SPTLC1: variants seen among roughly 807,000 people sequenced by gnomAD.
The protein encoded by SPTLC1 is serine palmitoyltransferase long chain base subunit 1, also known as serine palmitoyltransferase 1.
SPTLC1 carries 55 observed loss-of-function variants against 68.9 expected under a neutral mutation model. The observed-to-expected ratio is 0.80, with a 90% CI of 0.64 to 1.00. SPTLC1 has a LOEUF of 1.00. Among genes scored for constraint, SPTLC1 ranks in the 50% least tolerant of loss-of-function variants. The pLI, the probability that SPTLC1 is intolerant of heterozygous loss-of-function variation, is 0.00. For missense variants in SPTLC1, 449 were observed against 573.1 expected (o/e 0.78, Z 2.21); for synonymous variants, 197 against 201.6 (o/e 0.98, Z 0.19).
Position 92,080,979 on chromosome 9 carries a change from A to G in SPTLC1, c.261-16T>C. The G allele has an allele frequency of 3.2e-6, 5 of 1,583,432 alleles. No individual in the cohort carries two copies. The highest frequency in any genetic ancestry group is 4.3e-6 in the Non-Finnish European group (5 of 1,152,836). ...GCTTGGAGGGCTAGGGAAGAGATAG[A>G]GTGGTACATGTCAATTACACATTCA... On this transcript the variant is annotated splice_polypyrimidine_tract_variant and intron_variant, in intron 3 of 14. Transcript: ENST00000262554.
intron 3 of SPTLC1, among the ~76,000 whole-genome samples, chr9:92,091,859 A>T (rs1378977825): frequency 1.3e-5 from 2 of 152,240 alleles, no homozygotes; most frequent in Non-Finnish European, 1.5e-5. Context: ...ATCACAGAAT[A>T]ACTAAATGAT....
At position 92,108,544 on chromosome 9, in the gene SPTLC1, A is replaced by C. The variant is rs558952567; in HGVS notation, c.260+196T>G. On this transcript the variant is annotated intron_variant, in intron 3 of 14. Coordinates refer to ENST00000262554, the MANE Select transcript of SPTLC1 (RefSeq NM_006415.4). ...AAAAAAGGGCAAACATTAATGCTTA[A>C]ATTGGAGATTTTAAAAAATGCCTGT... The C allele has an allele frequency of 4.3e-4, 285 of 667,770 alleles. 1 individual carries two copies. The African/African-American group carries it at 4.9e-3, about 11-fold the overall frequency. The allele number at this position is 667,770 out of a possible 1,614,324, so 41.4% of individuals were successfully genotyped here.
chr9:92,080,056 GC>G lies in SPTLC1; in HGVS notation c.386del (p.Gly129AlafsTer28), dbSNP rs1554711394. On this transcript the variant is annotated frameshift_variant, in exon 5 of 15. Transcript: ENST00000262554. LOFTEE classifies it high-confidence loss of function. ...ATCCTCTGGGTCCACAAGTCCCCAC[GC>G]CATACTTCTTTAGAGATGCTAAAGC... ...AAALASLKKY[G>X]VGTCGPRGFY... 6.2e-7 allele frequency: 1 copy of G among 1,613,920 alleles called. No homozygotes were observed. Among genetic ancestry groups the G allele is most frequent in the Non-Finnish European group, 8.5e-7 (1 of 1,179,920 alleles).
At chr9:92,102,276 C>T (rs1293821733) in intron 3 of SPTLC1, among the ~76,000 whole-genome samples, 2 of 152,214 alleles carry the variant, frequency 1.3e-5, no homozygotes, top group African/African-American at 4.8e-5. Flanking sequence ...ACAAGAAATG[C>T]TTAACAAGTG....
chr9:92,054,381 G>C (rs148015605), intron 8 of SPTLC1, among the ~76,000 whole-genome samples: 71 of 152,302 alleles, frequency 4.7e-4, no homozygotes, highest in African/African-American at 1.6e-3. Flanking sequence ...ATAGAAAGTA[G>C]ATTAATGGCT....
chr9:92,060,488 A>G (rs912825810), intron 6 of SPTLC1, among the ~76,000 whole-genome samples: 2 of 152,246 alleles, frequency 1.3e-5, no homozygotes, highest in Non-Finnish European at 1.5e-5. Context: ...GAAGATACAA[A>G]GAAGAGTCCT....
chr9:92,079,990 T>TTA, intron 5 of SPTLC1, 26 bp downstream of exon 5: 1 of 1,596,994 alleles, frequency 6.3e-7, no homozygotes, highest in African/African-American at 1.4e-5. Flanking sequence ...AGCAGTAGTC[T>TTA]CAAAGAGAAC....
Position 92,112,567 on chromosome 9 carries a change from G to A in SPTLC1, c.58-5C>T. The A allele has an allele frequency of 6.3e-7, 1 of 1,582,168 alleles. No homozygotes were observed. Among genetic ancestry groups the A allele is most frequent in the Non-Finnish European group, 8.6e-7 (1 of 1,159,714 alleles). ...AATAAGATGGTAAGCAGGAGCCTAA[G>A]AGTGAGTCAAAAACAAGTAAGATAT... On this transcript the variant is annotated splice_region_variant and splice_polypyrimidine_tract_variant and intron_variant, in intron 1 of 14. Transcript: ENST00000262554.
chr9:92,042,847 A>C (rs1320256754), intron 12 of SPTLC1, among the ~76,000 whole-genome samples: 2 of 152,244 alleles, frequency 1.3e-5, no homozygotes, highest in Non-Finnish European at 2.9e-5. Flanking sequence ...AGACAGTTTA[A>C]AAACAGATCT....
intron 12 of SPTLC1, among the ~76,000 whole-genome samples, chr9:92,044,993 A>C (rs1833460192): frequency 6.6e-6 from 1 of 152,254 alleles, no homozygotes; most frequent in Non-Finnish European, 1.5e-5. Flanking sequence ...CAGTGACTCC[A>C]ATATGCTAGG....
At chr9:92,067,662 C>T (rs556369521) in intron 6 of SPTLC1, among the ~76,000 whole-genome samples, 87 of 152,252 alleles carry the variant, frequency 5.7e-4, no homozygotes, top group African/African-American at 2.0e-3. Flanking sequence ...TGACTGACAA[C>T]GTGAGGTGGT....
intron 5 of SPTLC1, among the ~76,000 whole-genome samples, chr9:92,078,612 G>A (rs940134559): frequency 7.2e-5 from 11 of 152,188 alleles, no homozygotes; most frequent in African/African-American, 2.2e-4. Flanking sequence ...GTTCACGCTA[G>A]TGCCAGGTTT....
At chr9:92,049,097 GA>G (rs2118464139) in intron 9 of SPTLC1, among the ~76,000 whole-genome samples, 1 of 152,240 alleles carries the variant, frequency 6.6e-6, no homozygotes, top group South Asian at 2.1e-4. Flanking sequence ...TGTAACTGCT[GA>G]ATGTCAGTCT....
chr9:92,075,550 C>A (rs11533009), intron 5 of SPTLC1, among the ~76,000 whole-genome samples: 9,778 of 152,274 alleles, frequency 0.064, 631 homozygotes, highest in East Asian at 0.27. Flanking sequence ...TACTCAGGAA[C>A]CAGGCCTGTG....
chr9:92,080,988 T>G (rs1277403657), intron 3 of SPTLC1, 25 bp from the exon 4 acceptor site: 1 of 1,541,828 alleles, frequency 6.5e-7, no homozygotes, highest in African/African-American at 1.4e-5. Flanking sequence ...GAGTGGTACA[T>G]GTCAATTACA....
At chr9:92,084,841 G>T (rs2118707947) in intron 3 of SPTLC1, among the ~76,000 whole-genome samples, 1 of 152,110 alleles carries the variant, frequency 6.6e-6, no homozygotes, top group East Asian at 1.9e-4. Flanking sequence ...TGTACCTCTG[G>T]TAGAATTCGG....
chr9:92,093,152 T>C (rs906036011), intron 3 of SPTLC1, among the ~76,000 whole-genome samples: 2 of 152,024 alleles, frequency 1.3e-5, no homozygotes, highest in African/African-American at 4.8e-5. Context: ...TTAATAGAAG[T>C]TAAATAAGAA....
chr9:92,035,559 A>G (rs1239375386), intron 13 of SPTLC1, among the ~76,000 whole-genome samples: 1 of 152,216 alleles, frequency 6.6e-6, no homozygotes, highest in Non-Finnish European at 1.5e-5. Flanking sequence ...GTGATGAAAA[A>G]GTTTTGGAAT....
chr9:92,033,147 C>T (rs970391011), intron 14 of SPTLC1, among the ~76,000 whole-genome samples: 2 of 152,194 alleles, frequency 1.3e-5, no homozygotes, highest in Non-Finnish European at 2.9e-5. Flanking sequence ...AGTGCACACC[C>T]AGTCAGAGTG....
Sources: gnomAD v4.1 joint callset for allele counts (sites outside exome capture counted in the v4.1 genomes callset) on GRCh38, gnomAD v4.1.1 for gene constraint, MANE v1.5 for transcripts, NCBI Gene and HGNC (gene_info 2026-07-23, HGNC 2026-07-21) for gene names.